KIF6: variants seen among roughly 807,000 people sequenced by gnomAD.
KIF6 encodes kinesin-like protein KIF6.
A neutral mutation model predicts 112.7 loss-of-function variants in KIF6; 106 were observed. That is an observed-to-expected ratio of 0.94 (90% CI 0.80 to 1.11). The LOEUF is 1.11. Ranked by LOEUF, KIF6 falls within the 50% of genes least tolerant of loss-of-function variation. The probability of loss-of-function intolerance (pLI) is 0.00; values close to 1 mark genes in which losing one functional copy is unlikely to be tolerated. For synonymous variants in KIF6, 339 were observed against 339.9 expected, an observed-to-expected ratio of 1.00 and a Z score of 0.03; for missense variants, 929 against 964.0, an observed-to-expected ratio of 0.96 and a Z score of 0.48.
At chr6:39,410,607 A>G (rs1769409697) in intron 15 of KIF6, among the ~76,000 whole-genome samples, 1 of 152,238 alleles carries the variant, frequency 6.6e-6, no homozygotes, top group African/African-American at 2.4e-5. Flanking sequence ...AACTCATAAA[A>G]GAAAAGATCA....
intron 13 of KIF6, among the ~76,000 whole-genome samples, chr6:39,467,449 A>T (rs1390156151): frequency 6.6e-6 from 1 of 152,192 alleles, no homozygotes; most frequent in African/African-American, 2.4e-5. Context: ...TAATATTTAC[A>T]CATGATATCA....
chr6:39,496,398 A>G (rs1006701994), intron 13 of KIF6, among the ~76,000 whole-genome samples: 1 of 152,186 alleles, frequency 6.6e-6, no homozygotes, highest in African/African-American at 2.4e-5. Flanking sequence ...CTCAGCCACT[A>G]TTTTAGGCAC....
In KIF6 at chr6:39,613,216, T is replaced by TA. The variant is rs777890702; in HGVS notation, c.611dup (p.Leu204PhefsTer47). 4.4e-6 allele frequency: 7 copies of TA among 1,601,870 alleles called. No individual in the cohort carries two copies. The highest frequency in any genetic ancestry group is 2.3e-5 in the East Asian group (1 of 44,152). On this transcript the variant is annotated frameshift_variant, in exon 6 of 23. Coordinates refer to ENST00000287152, the MANE Select transcript of KIF6 (RefSeq NM_145027.6). LOFTEE classifies it high-confidence loss of function. Reference sequence around the variant, plus strand: ...CTGCAATCATTCGGTTGGTGTCTCCTAAAAAAAGCAAATTCAGAGCTTCTT... The same window carrying TA: ...CTGCAATCATTCGGTTGGTGTCTCCTAAAAAAAAGCAAATTCAGAGCTTCTT...
intron 19 of KIF6, chr6:39,353,938 T>C (rs766849896): frequency 1.4e-5 from 8 of 572,830 alleles, no homozygotes; most frequent in Non-Finnish European, 2.5e-5. Context: ...GGGGTGCCAC[T>C]GCTCTGCAGC....
intron 10 of KIF6, among the ~76,000 whole-genome samples, chr6:39,577,602 G>C (rs1185883515): frequency 2.0e-5 from 3 of 152,146 alleles, no homozygotes; most frequent in Non-Finnish European, 4.4e-5. Context: ...TAGAGTGTTC[G>C]AGCTATAATA....
At chr6:39,507,638 CCCTTCCTT>C (rs771041554) in intron 13 of KIF6, among the ~76,000 whole-genome samples, 10 of 29,840 alleles carry the variant, frequency 3.4e-4, no homozygotes, top group African/African-American at 1.7e-3. Flanking sequence ...CTTTCCTTTC[CCCTTCCTT>C]CCTTCCTTCC....
intron 10 of KIF6, chr6:39,554,704 A>G (rs1250651555): frequency 1.8e-5 from 3 of 164,866 alleles, no homozygotes; most frequent in African/African-American, 7.2e-5. Context: ...ATCTCCTTTG[A>G]ACCCCTCAAG....
At chr6:39,560,977 A>G (rs1582137199) in intron 10 of KIF6, among the ~76,000 whole-genome samples, 1 of 152,192 alleles carries the variant, frequency 6.6e-6, no homozygotes, top group African/African-American at 2.4e-5. Flanking sequence ...TGTTGCATAC[A>G]CTCCTGAGAT....
rs1012801735 is a variant in KIF6, at chr6:39,673,451, A to G, written c.252-33694T>C. 8.5e-5 allele frequency among the ~76,000 whole-genome samples: 13 copies of G among 152,316 alleles called. No individual in the cohort carries two copies. In the East Asian group the frequency reaches 1.3e-3, roughly 16 times the overall value. On this transcript the variant is annotated intron_variant, in intron 3 of 22. Coordinates refer to ENST00000287152, the MANE Select transcript of KIF6 (RefSeq NM_145027.6). ...CATACATATGTAAATAATTAAAACA[A>G]TTTCATGAAATCTCTTATTATGTGC... is the stretch of plus-strand genomic sequence containing the variant.
Position 39,639,642 on chromosome 6 carries a change from T to C in KIF6, c.367A>G (p.Thr123Ala). ...RYSDRGIIPR[T>A]LSYIFEQLQK... Reference sequence around the variant, plus strand: ...AACTGTTCAAAAATGTATGACAGTGTCCTTGGGATAATGCCTCTGTCACTG... The same window carrying C: ...AACTGTTCAAAAATGTATGACAGTGCCCTTGGGATAATGCCTCTGTCACTG... The change falls in exon 4 of 23, where the codon ACA becomes GCA. Residue 123 changes from threonine to alanine, a missense_variant. Coordinates refer to ENST00000287152, the MANE Select transcript of KIF6 (RefSeq NM_145027.6). 6.2e-7 allele frequency: 1 copy of C among 1,603,068 alleles called. No individual in the cohort carries two copies. The highest frequency in any genetic ancestry group is 1.7e-4 in the Middle Eastern group (1 of 6,028).
At chr6:39,422,490 T>C (rs1770443977) in intron 14 of KIF6, among the ~76,000 whole-genome samples, 2 of 152,152 alleles carry the variant, frequency 1.3e-5, no homozygotes. Context: ...GCAGTCTTCA[T>C]GAGACCATTT....
At chr6:39,721,305 G>A (rs1582531355) in intron 1 of KIF6, among the ~76,000 whole-genome samples, 1 of 152,274 alleles carries the variant, frequency 6.6e-6, no homozygotes, top group South Asian at 2.1e-4. Context: ...AAGGTTCCAT[G>A]AGACATTTTC....
chr6:39,356,571 C>T (rs577218393), intron 19 of KIF6, among the ~76,000 whole-genome samples: 1 of 152,136 alleles, frequency 6.6e-6, no homozygotes, highest in Non-Finnish European at 1.5e-5. Flanking sequence ...GGCCCTCTGA[C>T]ACCTTTTTTA....
chr6:39,527,320 C>G (rs997008449), intron 13 of KIF6, among the ~76,000 whole-genome samples: 2 of 152,108 alleles, frequency 1.3e-5, no homozygotes, highest in African/African-American at 2.4e-5. Flanking sequence ...GCTCCCTCCC[C>G]TCTATCTCCC....
At chr6:39,667,546 C>T (rs1207825001) in intron 3 of KIF6, among the ~76,000 whole-genome samples, 1 of 152,160 alleles carries the variant, frequency 6.6e-6, no homozygotes, top group Non-Finnish European at 1.5e-5. Context: ...GCTTTACCAG[C>T]TTTCTAGATA....
intron 13 of KIF6, among the ~76,000 whole-genome samples, chr6:39,489,723 T>C (rs1174658307): frequency 6.6e-6 from 1 of 152,160 alleles, no homozygotes; most frequent in Non-Finnish European, 1.5e-5. Context: ...GATAAAGGTC[T>C]TATAAATGAG....
intron 13 of KIF6, among the ~76,000 whole-genome samples, chr6:39,503,980 G>A: frequency 6.6e-6 from 1 of 152,084 alleles, no homozygotes; most frequent in East Asian, 1.9e-4. Flanking sequence ...AGTTGAAAAG[G>A]AGGGACTCCT....
intron 13 of KIF6, among the ~76,000 whole-genome samples, chr6:39,481,233 T>G (rs1774778375): frequency 6.6e-6 from 1 of 152,158 alleles, no homozygotes; most frequent in Non-Finnish European, 1.5e-5. Context: ...ATAATGAATG[T>G]GTTCAGGAAT....
chr6:39,668,937 G>A (rs957980362), intron 3 of KIF6, among the ~76,000 whole-genome samples: 3 of 151,984 alleles, frequency 2.0e-5, no homozygotes, highest in Non-Finnish European at 2.9e-5. Flanking sequence ...TTATTCGGAT[G>A]ACTAGATATT....
Sources: allele counts gnomAD v4.1 joint callset (sites outside exome capture counted in the v4.1 genomes callset), GRCh38; gene constraint gnomAD v4.1.1; transcripts MANE v1.5; gene names NCBI Gene and HGNC (gene_info 2026-07-23, HGNC 2026-07-21).